The following DAOA variants were observed in gnomAD, a reference collection of about 807,000 sequenced individuals.
The protein encoded by DAOA is D-amino acid oxidase activator.
In DAOA, 15 loss-of-function variants were observed where a neutral mutation model predicts 16.4. The observed-to-expected ratio is 0.91, with a 90% CI of 0.61 to 1.41. DAOA has a LOEUF of 1.41. Among genes scored for constraint, DAOA ranks in the 40% most tolerant of loss-of-function variants. DAOA has a pLI of 0.00. For missense variants in DAOA, 230 were observed against 176.8 expected, an observed-to-expected ratio of 1.30 and a Z score of -1.71; for synonymous variants, 75 against 59.1, an observed-to-expected ratio of 1.27 and a Z score of -1.23.
intron 4 of DAOA, among the ~76,000 whole-genome samples, chr13:105,480,074 A>G (rs1319064221): frequency 6.6e-6 from 1 of 152,200 alleles, no homozygotes; most frequent in Non-Finnish European, 1.5e-5. Flanking sequence ...TCATTTTTCA[A>G]TGACAAAATA....
intron 4 of DAOA, chr13:105,489,630 A>G: frequency 1.4e-6 from 1 of 699,066 alleles, no homozygotes; most frequent in Non-Finnish European, 2.2e-6. Flanking sequence ...AACGTCCTCA[A>G]TTCTCAGGCA....
chr13:105,489,679 T>C lies in DAOA; in HGVS notation c.282-222T>C. The C allele has an allele frequency of 2.9e-6, 3 of 1,031,478 alleles. 1 individual carries two copies. The highest frequency in any genetic ancestry group is 3.7e-5 in the South Asian group (2 of 53,826). 63.9% of individuals were successfully genotyped at this position (1,031,478 alleles called of 1,614,324 possible). ...TTTATGCTTTTTCACAGTCTTTCTTTGAAATTATATCCAAATATGTAGTTG... is the reference window on the plus strand; with the variant it reads ...TTTATGCTTTTTCACAGTCTTTCTTCGAAATTATATCCAAATATGTAGTTG... On this transcript the variant is annotated intron_variant, in intron 4 of 5. Transcript: ENST00000375936.
chr13:105,486,287 C>T (rs1594119206), intron 4 of DAOA, among the ~76,000 whole-genome samples: 1 of 152,086 alleles, frequency 6.6e-6, no homozygotes. Flanking sequence ...TCTAATCACC[C>T]TTGCTCTTTA....
chr13:105,488,399 A>G (rs201978489), intron 4 of DAOA, among the ~76,000 whole-genome samples: 2 of 152,340 alleles, frequency 1.3e-5, no homozygotes, highest in East Asian at 3.9e-4. Flanking sequence ...TTCTGATTTT[A>G]TAATAGAGGA....
intron 4 of DAOA, among the ~76,000 whole-genome samples, chr13:105,479,796 G>A (rs935773265): frequency 1.4e-4 from 21 of 152,282 alleles, no homozygotes; most frequent in African/African-American, 5.1e-4. Context: ...TAAACCAGTA[G>A]AGACTACTTT....
intron 4 of DAOA, among the ~76,000 whole-genome samples, chr13:105,484,173 A>G (rs980728134): frequency 2.0e-5 from 3 of 152,146 alleles, no homozygotes; most frequent in Non-Finnish European, 4.4e-5. Context: ...GGCCAAAATC[A>G]GTTGTCCATA....
intron 3 of DAOA, among the ~76,000 whole-genome samples, chr13:105,469,251 C>G (rs1876759236): frequency 6.6e-6 from 1 of 152,200 alleles, no homozygotes; most frequent in Admixed American, 6.5e-5. Flanking sequence ...TCCACACTGT[C>G]TTAACCACCT....
intron 3 of DAOA, 25 bp downstream of exon 3, chr13:105,467,166 GA>G (rs1876583871): frequency 6.4e-7 from 1 of 1,561,866 alleles, no homozygotes; most frequent in African/African-American, 1.4e-5. Flanking sequence ...ATCTTTATAT[GA>G]ATTTAAATTC....
chr13:105,477,452 G>C (rs138824545), intron 4 of DAOA, among the ~76,000 whole-genome samples: 1 of 152,350 alleles, frequency 6.6e-6, no homozygotes, highest in Non-Finnish European at 1.5e-5. Context: ...AAACTAACCA[G>C]GCATAGTGGC....
rs145562658 is a variant in DAOA at position 105,468,830 on chromosome 13, G to C, written c.133+1689G>C. 3.7e-3 allele frequency among the ~76,000 whole-genome samples: 562 copies of C among 152,286 alleles called. 3 individuals carry two copies. Among genetic ancestry groups the C allele is most frequent in the African/African-American group, 0.012 (519 of 41,566 alleles). On this transcript the variant is annotated intron_variant, in intron 3 of 5. Coordinates refer to ENST00000375936, the MANE Select transcript of DAOA (RefSeq NM_172370.5). ...TTTGTCTCTGGTTTGTGGAATCACA[G>C]TAAAATATTATGAAAATAATTGTGG... is the stretch of plus-strand genomic sequence containing the variant.
intron 4 of DAOA, among the ~76,000 whole-genome samples, chr13:105,488,556 T>G (rs1017114510): frequency 5.3e-5 from 8 of 152,204 alleles, no homozygotes; most frequent in African/African-American, 7.2e-5. Flanking sequence ...GCTTTACAAT[T>G]ATTTCAAAAT....
chr13:105,480,565 T>TAGAC, intron 4 of DAOA, among the ~76,000 whole-genome samples: 1 of 147,426 alleles, frequency 6.8e-6, no homozygotes, highest in Non-Finnish European at 1.5e-5. Flanking sequence ...GATAGATAGA[T>TAGAC]AGATAGCATT....
intron 3 of DAOA, 137 bp from the exon 4 acceptor site, chr13:105,472,401 T>C: frequency 4.8e-6 from 6 of 1,244,466 alleles, no homozygotes; most frequent in Non-Finnish European, 5.4e-6. Flanking sequence ...GGGAATTTTG[T>C]CTTAACCAAA....
At chr13:105,486,592 T>C (rs1295309715) in intron 4 of DAOA, among the ~76,000 whole-genome samples, 1 of 151,820 alleles carries the variant, frequency 6.6e-6, no homozygotes, top group African/African-American at 2.4e-5. Context: ...TTTCCAGGTC[T>C]CAGTATCGAC....
At chr13:105,484,701 C>A (rs764162258) in intron 4 of DAOA, among the ~76,000 whole-genome samples, 84 of 151,864 alleles carry the variant, frequency 5.5e-4, no homozygotes, top group Admixed American at 3.9e-3. Flanking sequence ...GCTCTTATAC[C>A]TTTTTGTATG....
At chr13:105,488,727 G>A (rs76267339) in intron 4 of DAOA, among the ~76,000 whole-genome samples, 6,085 of 152,220 alleles carry the variant, frequency 0.04, 150 homozygotes, top group South Asian at 0.065. Flanking sequence ...TTATTCTCTA[G>A]CCTTCTAAAG....
rs1286361439 is a variant in DAOA at position 105,490,173 on chromosome 13, G to C, written c.*92G>C. On this transcript the variant is annotated 3_prime_UTR_variant, in exon 5 of 6. Transcript: ENST00000375936. Reference sequence around the variant, plus strand: ...GGACTCTGACGGACTCTGTGTCTGGGACCCAGCTGATAACACGTGGTAATA... The same window carrying C: ...GGACTCTGACGGACTCTGTGTCTGGCACCCAGCTGATAACACGTGGTAATA... 7.1e-7 allele frequency: 1 copy of C among 1,399,770 alleles called. No homozygotes were observed. Among genetic ancestry groups the C allele is most frequent in the Non-Finnish European group, 9.4e-7 (1 of 1,068,652 alleles). The allele number at this position is 1,399,770 out of a possible 1,614,324, so 86.7% of individuals were successfully genotyped here. A position where few individuals can be genotyped will look rare whatever the true frequency, so the allele number is the denominator to read the frequency against.
At chr13:105,471,540 G>A (rs182542214) in intron 3 of DAOA, among the ~76,000 whole-genome samples, 1 of 152,192 alleles carries the variant, frequency 6.6e-6, no homozygotes, top group African/African-American at 2.4e-5. Flanking sequence ...AATAAGAAAG[G>A]GAGTGCTATT....
chr13:105,488,665 G>A (rs1344233165), intron 4 of DAOA, among the ~76,000 whole-genome samples: 1 of 152,050 alleles, frequency 6.6e-6, no homozygotes, highest in Admixed American at 6.6e-5. Flanking sequence ...GATTCAAGAA[G>A]CACAATAAAA....
Sources: gnomAD v4.1 joint callset for allele counts (sites outside exome capture counted in the v4.1 genomes callset) on GRCh38, gnomAD v4.1.1 for gene constraint, MANE v1.5 for transcripts, NCBI Gene and HGNC (gene_info 2026-07-23, HGNC 2026-07-21) for gene names.